DIAPH3: variants seen among roughly 807,000 people sequenced by gnomAD.
DIAPH3 encodes protein diaphanous homolog 3.
DIAPH3 carries 117 observed loss-of-function variants against 144.3 expected under a neutral mutation model. The observed-to-expected ratio is 0.81, with a 90% CI of 0.70 to 0.95. DIAPH3 has a LOEUF of 0.95. DIAPH3 is among the 40% of genes least tolerant of loss of function. The probability of loss-of-function intolerance (pLI) is 0.00; values close to 1 mark genes in which losing one functional copy is unlikely to be tolerated. For missense variants in DIAPH3, 1,421 were observed against 1,412.7 expected, an observed-to-expected ratio of 1.01 and a Z score of -0.09; for synonymous variants, 519 against 488.9, an observed-to-expected ratio of 1.06 and a Z score of -0.81.
intron 1 of DIAPH3, among the ~76,000 whole-genome samples, chr13:60,150,411 C>A (rs1207592988): frequency 6.6e-6 from 1 of 152,092 alleles, no homozygotes; most frequent in Non-Finnish European, 1.5e-5. Context: ...AGCATAAATG[C>A]TGTGAGAAAT....
intron 22 of DIAPH3, among the ~76,000 whole-genome samples, chr13:59,851,612 G>A (rs1170861945): frequency 1.3e-5 from 2 of 148,626 alleles, no homozygotes; most frequent in African/African-American, 4.9e-5. Flanking sequence ...GTAAATGACT[G>A]ATTCAACAAT....
chr13:59,846,759 C>T (rs542656328), intron 22 of DIAPH3, among the ~76,000 whole-genome samples: 1 of 152,142 alleles, frequency 6.6e-6, no homozygotes, highest in African/African-American at 2.4e-5. Context: ...TAGCTTAGTT[C>T]GTAACAGGCA....
chr13:59,758,330 T>A (rs2037393073), intron 27 of DIAPH3, among the ~76,000 whole-genome samples: 1 of 152,124 alleles, frequency 6.6e-6, no homozygotes, highest in Non-Finnish European at 1.5e-5. Context: ...GAAAAAAATG[T>A]GTGATATGCC....
chr13:59,754,446 C>T (rs996884595), intron 27 of DIAPH3, among the ~76,000 whole-genome samples: 25 of 152,272 alleles, frequency 1.6e-4, no homozygotes, highest in African/African-American at 6.0e-4. Context: ...TAGACTCCCA[C>T]TCCTCTCACC....
At chr13:59,875,368 C>T (rs1220997985) in intron 21 of DIAPH3, among the ~76,000 whole-genome samples, 1 of 152,062 alleles carries the variant, frequency 6.6e-6, no homozygotes, top group East Asian at 1.9e-4. Flanking sequence ...AAGCAAGGTA[C>T]TTACACCATT....
intron 27 of DIAPH3, among the ~76,000 whole-genome samples, chr13:59,711,850 A>G (rs1434108165): frequency 6.6e-6 from 1 of 152,206 alleles, no homozygotes; most frequent in Admixed American, 6.5e-5. Context: ...GCACGAATAA[A>G]TAAAAGTTGT....
At chr13:60,128,570 A>G (rs2138201320) in intron 2 of DIAPH3, among the ~76,000 whole-genome samples, 1 of 152,300 alleles carries the variant, frequency 6.6e-6, no homozygotes, top group African/African-American at 2.4e-5. Flanking sequence ...AAAGCTACAT[A>G]ACTAACACAA....
intron 21 of DIAPH3, among the ~76,000 whole-genome samples, chr13:59,868,757 T>C (rs887273027): frequency 5.9e-5 from 9 of 152,138 alleles, no homozygotes; most frequent in Non-Finnish European, 5.9e-5. Flanking sequence ...TGGCAACCAC[T>C]GATGTTTTAT....
At chr13:60,017,817 T>C (rs1238180094) in intron 5 of DIAPH3, among the ~76,000 whole-genome samples, 2 of 152,180 alleles carry the variant, frequency 1.3e-5, no homozygotes, top group Admixed American at 1.3e-4. Context: ...GCTATTATAG[T>C]TAAGGTAAGG....
rs577022287 is a variant in DIAPH3, at chr13:59,714,144, A to G, written c.3320-47298T>C. Among the ~76,000 whole-genome samples, 4 of 152,086 alleles carry G rather than the reference A, an allele frequency of 2.6e-5. No homozygotes were observed. In the East Asian group the frequency reaches 7.7e-4, roughly 29 times the overall value. ...GGGAGGCCGAGGCGGGCGGATCACG[A>G]GGTCAGGAGATCGAGACCATCCCGG... On this transcript the variant is annotated intron_variant, in intron 27 of 27. Coordinates refer to ENST00000400324, the MANE Select transcript of DIAPH3 (RefSeq NM_001042517.2).
chr13:59,946,495 AAACAC>A (rs1447644115), intron 17 of DIAPH3, among the ~76,000 whole-genome samples: 1 of 152,200 alleles, frequency 6.6e-6, no homozygotes, highest in East Asian at 1.9e-4. Flanking sequence ...ATAGCATATG[AAACAC>A]AATGTTCACA....
intron 9 of DIAPH3, among the ~76,000 whole-genome samples, chr13:60,002,094 G>A (rs957636220): frequency 3.3e-5 from 5 of 152,086 alleles, no homozygotes; most frequent in African/African-American, 9.7e-5. Context: ...TTAACACCTC[G>A]GGCCAAGTGG....
intron 12 of DIAPH3, among the ~76,000 whole-genome samples, chr13:59,987,470 T>C (rs1383723142): frequency 2.7e-5 from 1 of 37,592 alleles, no homozygotes; most frequent in Non-Finnish European, 5.5e-5. Context: ...AAACTTAAAG[T>C]ATAATAAAAA....
chr13:59,690,373 A>T (rs1285749891), intron 27 of DIAPH3, among the ~76,000 whole-genome samples: 1 of 152,194 alleles, frequency 6.6e-6, no homozygotes, highest in Non-Finnish European at 1.5e-5. Context: ...CAAATTAGTG[A>T]AAGAGCTTGG....
chr13:59,844,927 CTCAGAT>C (rs1396667942), intron 22 of DIAPH3, among the ~76,000 whole-genome samples: 2 of 152,142 alleles, frequency 1.3e-5, no homozygotes, highest in Non-Finnish European at 2.9e-5. Flanking sequence ...TCTTGCAATT[CTCAGAT>C]TCAAACAATC....
chr13:59,861,931 A>T (rs1263844571), intron 21 of DIAPH3, among the ~76,000 whole-genome samples: 1 of 152,216 alleles, frequency 6.6e-6, no homozygotes, highest in Non-Finnish European at 1.5e-5. Context: ...CTAACAACAA[A>T]TAAAACATAG....
At chr13:60,149,388 C>T (rs894364356) in intron 1 of DIAPH3, among the ~76,000 whole-genome samples, 4 of 152,212 alleles carry the variant, frequency 2.6e-5, no homozygotes, top group Non-Finnish European at 2.9e-5. Context: ...AGATCTTAAG[C>T]GAATGCTGTG....
At chr13:59,717,360 G>C (rs2035113178) in intron 27 of DIAPH3, among the ~76,000 whole-genome samples, 2 of 152,094 alleles carry the variant, frequency 1.3e-5, no homozygotes, top group Non-Finnish European at 2.9e-5. Context: ...TGTGCAGATG[G>C]GGTGGCCATC....
intron 1 of DIAPH3, among the ~76,000 whole-genome samples, chr13:60,143,460 C>G (rs1376603978): frequency 3.3e-5 from 5 of 152,110 alleles, no homozygotes; most frequent in African/African-American, 1.2e-4. Context: ...TGGTAGAAGA[C>G]TTATAGAAAA....
Sources: gnomAD v4.1 joint callset for allele counts (sites outside exome capture counted in the v4.1 genomes callset) on GRCh38, gnomAD v4.1.1 for gene constraint, MANE v1.5 for transcripts, NCBI Gene and HGNC (gene_info 2026-07-23, HGNC 2026-07-21) for gene names.